NFIC: variants seen among roughly 807,000 people sequenced by gnomAD.
NFIC encodes the protein nuclear factor 1 C-type.
A neutral mutation model predicts 54.4 loss-of-function variants in NFIC; 12 were observed. The ratio of observed to expected loss-of-function variants is 0.22; its 90% CI spans 0.14 to 0.36. The LOEUF is 0.36. Ranked by LOEUF, NFIC falls within the 10% of genes least tolerant of loss-of-function variation. The pLI, the probability that NFIC is intolerant of heterozygous loss-of-function variation, is 1.00. For synonymous variants in NFIC, 322 were observed against 319.2 expected, an observed-to-expected ratio of 1.01 and a Z score of -0.09; for missense variants, 575 against 718.2, an observed-to-expected ratio of 0.80 and a Z score of 2.28.
chr19:3,406,459 C>T (rs751225818), intron 2 of NFIC, among the ~76,000 whole-genome samples: 1 of 151,598 alleles, frequency 6.6e-6, no homozygotes, highest in Non-Finnish European at 1.5e-5. Flanking sequence ...AACTTCTGAC[C>T]TCAAGTGATC....
chr19:3,361,868 C>G (rs61085142), upstream of NFIC, among the ~76,000 whole-genome samples: 11,571 of 152,158 alleles, frequency 0.076, 1,484 homozygotes, highest in African/African-American at 0.26. Context: ...ACACACGACA[C>G]TCCCTCACGG....
At chr19:3,440,041 C>T (rs115583913) in intron 6 of NFIC, among the ~76,000 whole-genome samples, 2,438 of 152,234 alleles carry the variant, frequency 0.016, 80 homozygotes, top group African/African-American at 0.056. Context: ...TTACGTAAAG[C>T]ACGCACCTGG....
intron 2 of NFIC, among the ~76,000 whole-genome samples, chr19:3,402,821 G>C (rs1223807842): frequency 6.6e-6 from 1 of 152,182 alleles, no homozygotes; most frequent in South Asian, 2.1e-4. Context: ...GCAGGACTGG[G>C]CCAGGTGCAT....
At chr19:3,367,408 G>C (rs1396069227) in intron 1 of NFIC, among the ~76,000 whole-genome samples, 1 of 152,154 alleles carries the variant, frequency 6.6e-6, no homozygotes, top group Non-Finnish European at 1.5e-5. Context: ...GAGGCCCGGC[G>C]CTCCGGGTCT....
At position 3,467,099 on chromosome 19, in the gene NFIC, T is replaced by C. The variant is rs1332187473; in HGVS notation, c.*4330T>C. On this transcript the variant is annotated 3_prime_UTR_variant, in exon 11 of 11. Transcript: ENST00000443272. ...TGGGTGGAGGAGGGAGTGTTGGTTT[T>C]TTGTTTTTGTTTTTTTAACATGTAT... is the stretch of plus-strand genomic sequence containing the variant. The C allele has an allele frequency of 6.9e-6, 1 of 144,346 alleles. No homozygotes were observed. The highest frequency in any genetic ancestry group is 2.9e-5 in the African/African-American group (1 of 34,342). The allele number at this position is 144,346 out of a possible 1,614,324, so 8.9% of individuals were successfully genotyped here.
At chr19:3,446,127 A>C (rs1017943026) in intron 6 of NFIC, among the ~76,000 whole-genome samples, 2 of 152,198 alleles carry the variant, frequency 1.3e-5, no homozygotes, top group Non-Finnish European at 2.9e-5. Flanking sequence ...CTCACACCAG[A>C]CACCAGAAGA....
Position 3,464,524 on chromosome 19 carries a change from C to CGG in NFIC, c.*1756_*1757dup. On this transcript the variant is annotated 3_prime_UTR_variant, in exon 11 of 11. Coordinates refer to ENST00000443272, the MANE Select transcript of NFIC (RefSeq NM_001245002.2). ...GAGCTCAAACACAAGGACCCCTCCC[C>CGG]GGCCCACCCAGCCCAGCCCCAACTG... The CGG allele has an allele frequency of 2.2e-6, 2 of 910,444 alleles. No individual in the cohort carries two copies. Among genetic ancestry groups the CGG allele is most frequent in the Non-Finnish European group, 2.6e-6 (2 of 763,570 alleles). 56.4% of individuals were successfully genotyped at this position (910,444 alleles called of 1,614,324 possible).
At chr19:3,429,239 A>G (rs1406613236) in intron 3 of NFIC, among the ~76,000 whole-genome samples, 1 of 60,130 alleles carries the variant, frequency 1.7e-5, no homozygotes, top group African/African-American at 7.8e-5. Flanking sequence ...CCCAAAAAAA[A>G]AAAAAAAAAT....
intron 2 of NFIC, among the ~76,000 whole-genome samples, chr19:3,398,047 A>G (rs1375413658): frequency 2.0e-5 from 3 of 152,004 alleles, no homozygotes; most frequent in Non-Finnish European, 4.4e-5. Flanking sequence ...CAGATGGCAT[A>G]TTATCCAGGA....
intron 2 of NFIC, among the ~76,000 whole-genome samples, chr19:3,394,977 A>C (rs536681745): frequency 6.6e-6 from 1 of 152,136 alleles, no homozygotes; most frequent in Non-Finnish European, 1.5e-5. Flanking sequence ...CTGCTGTTCC[A>C]GAGAATTCGG....
upstream of NFIC, among the ~76,000 whole-genome samples, chr19:3,365,526 C>G (rs1018508366): frequency 4.6e-5 from 7 of 152,142 alleles, no homozygotes; most frequent in Non-Finnish European, 8.8e-5. Context: ...GGGGCTCAGA[C>G]GGAGGCAGGC....
At chr19:3,380,739 C>G (rs758825997) in intron 1 of NFIC, among the ~76,000 whole-genome samples, 12 of 151,636 alleles carry the variant, frequency 7.9e-5, no homozygotes, top group Non-Finnish European at 1.6e-4. Context: ...TCAAATGATC[C>G]TCCCACCCCA....
chr19:3,428,269 G>A (rs2145612807), intron 3 of NFIC, among the ~76,000 whole-genome samples: 1 of 152,000 alleles, frequency 6.6e-6, no homozygotes, highest in East Asian at 1.9e-4. Flanking sequence ...CGAGTCAGGT[G>A]GATGACCTGA....
At chr19:3,361,288 C>T (rs867138338) in intron 1 of NFIC, among the ~76,000 whole-genome samples, 1 of 152,080 alleles carries the variant, frequency 6.6e-6, no homozygotes, top group Non-Finnish European at 1.5e-5. Context: ...GTGGAAGTCC[C>T]GAGGGGTGGG....
intron 1 of NFIC, among the ~76,000 whole-genome samples, chr19:3,372,178 G>T (rs1028973105): frequency 6.6e-6 from 1 of 151,888 alleles, no homozygotes; most frequent in Non-Finnish European, 1.5e-5. Flanking sequence ...GTGCCACCAC[G>T]CCTGGCTAAC....
At chr19:3,456,871 T>A (rs1018786454) in intron 10 of NFIC, 3 of 570,836 alleles carry the variant, frequency 5.3e-6, no homozygotes, top group Middle Eastern at 2.7e-4. Context: ...GCCTGTGGGG[T>A]CCCCAGGAGC....
At chr19:3,404,084 T>C (rs1371319702) in intron 2 of NFIC, among the ~76,000 whole-genome samples, 1 of 141,134 alleles carries the variant, frequency 7.1e-6, no homozygotes, top group Non-Finnish European at 1.5e-5. Flanking sequence ...TGCGTGTGCG[T>C]TCAGCCCGTG....
chr19:3,411,914 G>C (rs2081768488), intron 2 of NFIC, among the ~76,000 whole-genome samples: 1 of 152,188 alleles, frequency 6.6e-6, no homozygotes, highest in African/African-American at 2.4e-5. Flanking sequence ...GTGCCATCCG[G>C]CATGCACGGC....
Position 3,463,068 on chromosome 19 carries a change from C to A in NFIC, c.*299C>A. 6.9e-6 allele frequency: 9 copies of A among 1,313,432 alleles called. No individual in the cohort carries two copies. Among genetic ancestry groups the A allele is most frequent in the Non-Finnish European group, 7.7e-6 (8 of 1,033,012 alleles). 81.4% of individuals were successfully genotyped at this position (1,313,432 alleles called of 1,614,324 possible). A position where few individuals can be genotyped will look rare whatever the true frequency, so the allele number is the denominator to read the frequency against. On this transcript the variant is annotated 3_prime_UTR_variant, in exon 11 of 11. Coordinates refer to ENST00000443272, the MANE Select transcript of NFIC (RefSeq NM_001245002.2). ...AGGCCGCAGGACTGGAGGGCCAGGC[C>A]CCGCCACCCCCACGGGAGACCCGGG...
Sources: gnomAD v4.1 joint callset for allele counts (sites outside exome capture counted in the v4.1 genomes callset) on GRCh38, gnomAD v4.1.1 for gene constraint, MANE v1.5 for transcripts, NCBI Gene and HGNC (gene_info 2026-07-23, HGNC 2026-07-21) for gene names.